The following CFAP95 variants were observed in gnomAD, a reference collection of about 807,000 sequenced individuals.
CFAP95 encodes cilia- and flagella-associated protein 95.
chr9:69,879,393 A>G, the CFAP95 span, among the ~76,000 whole-genome samples: 16 of 152,176 alleles, frequency 1.1e-4, no homozygotes, highest in African/African-American at 3.6e-4. Context: ...GGAAGCTGGG[A>G]AGAGAAAGTC....
At chr9:69,846,139 A>G in the CFAP95 span, among the ~76,000 whole-genome samples, 1 of 152,202 alleles carries the variant, frequency 6.6e-6, no homozygotes, top group African/African-American at 2.4e-5. Context: ...GATGTTTTTA[A>G]AGAACTTTTG....
the CFAP95 span, among the ~76,000 whole-genome samples, chr9:69,881,530 T>C: frequency 1.3e-5 from 2 of 152,324 alleles, no homozygotes; most frequent in Non-Finnish European, 2.9e-5. Flanking sequence ...TGTGTGTCTG[T>C]TTTTATGCTA....
the CFAP95 span, among the ~76,000 whole-genome samples, chr9:69,850,164 G>A: frequency 4.6e-5 from 7 of 152,282 alleles, no homozygotes; most frequent in East Asian, 1.4e-3. Flanking sequence ...CACCTAGAAG[G>A]ATTAAGTACA....
the CFAP95 span, among the ~76,000 whole-genome samples, chr9:69,823,476 C>T: frequency 3.9e-5 from 6 of 152,256 alleles, no homozygotes; most frequent in South Asian, 1.0e-3. Context: ...CTGTGTGTTG[C>T]GGCAAGTGAC....
At chr9:69,824,722 A>C in the CFAP95 span, among the ~76,000 whole-genome samples, 1 of 152,204 alleles carries the variant, frequency 6.6e-6, no homozygotes, top group South Asian at 2.1e-4. Flanking sequence ...CAGTGATTTC[A>C]ATGTTAATGA....
chr9:69,905,978 T>C, the CFAP95 span: 1 of 1,609,616 alleles, frequency 6.2e-7, no homozygotes, highest in South Asian at 1.1e-5. Context: ...AGATGATTAT[T>C]CCATAGTCCA....
At chr9:69,888,175 T>C in the CFAP95 span, among the ~76,000 whole-genome samples, 2 of 152,186 alleles carry the variant, frequency 1.3e-5, no homozygotes, top group Non-Finnish European at 2.9e-5. Flanking sequence ...ATTCCAGGAA[T>C]TATTTGAAAG....
At chr9:69,843,026 C>A in the CFAP95 span, among the ~76,000 whole-genome samples, 1 of 152,278 alleles carries the variant, frequency 6.6e-6, no homozygotes, top group Non-Finnish European at 1.5e-5. Context: ...GGTGCCCAAC[C>A]TAGGTTAAGG....
chr9:69,840,851 G>C, the CFAP95 span, among the ~76,000 whole-genome samples: 1 of 151,994 alleles, frequency 6.6e-6, no homozygotes, highest in Admixed American at 6.6e-5. Flanking sequence ...ATGGGCAGCC[G>C]GCAGGCACGA....
chr9:69,868,433 G>T, the CFAP95 span, among the ~76,000 whole-genome samples: 1 of 152,140 alleles, frequency 6.6e-6, no homozygotes, highest in South Asian at 2.1e-4. Flanking sequence ...CAAGGGCAGT[G>T]AATCACTTGA....
At chr9:69,892,322 C>T in the CFAP95 span, among the ~76,000 whole-genome samples, 17 of 152,274 alleles carry the variant, frequency 1.1e-4, no homozygotes, top group Non-Finnish European at 2.2e-4. Flanking sequence ...CAGATCAGTA[C>T]CTGGCTGACT....
At chr9:69,857,147 T>C in the CFAP95 span, among the ~76,000 whole-genome samples, 1 of 152,352 alleles carries the variant, frequency 6.6e-6, no homozygotes, top group South Asian at 2.1e-4. Flanking sequence ...TTAGGTAAGC[T>C]GTCATTAATC....
the CFAP95 span, among the ~76,000 whole-genome samples, chr9:69,833,616 A>G: frequency 6.6e-6 from 1 of 152,328 alleles, no homozygotes; most frequent in South Asian, 2.1e-4. Context: ...ACCTCTGTGC[A>G]ATCTTGTCGA....
the CFAP95 span, chr9:69,857,820 G>C: frequency 8.6e-7 from 1 of 1,161,562 alleles, no homozygotes; most frequent in Non-Finnish European, 1.2e-6. Flanking sequence ...GAGCCACTGC[G>C]CCCAGCCCCT....
the CFAP95 span, among the ~76,000 whole-genome samples, chr9:69,860,478 A>T: frequency 2.6e-5 from 4 of 152,092 alleles, no homozygotes; most frequent in Non-Finnish European, 4.4e-5. Flanking sequence ...CACCTCCAAC[A>T]TTGGGGATCA....
chr9:69,904,175 A>G, the CFAP95 span, among the ~76,000 whole-genome samples: 1 of 152,162 alleles, frequency 6.6e-6, no homozygotes, highest in African/African-American at 2.4e-5. Flanking sequence ...TTGTCACCCC[A>G]GGAAACTCAG....
At chr9:69,854,995 G>A in the CFAP95 span, among the ~76,000 whole-genome samples, 1 of 152,122 alleles carries the variant, frequency 6.6e-6, no homozygotes, top group Non-Finnish European at 1.5e-5. Context: ...CAATAGTGTT[G>A]ATTTTCTTAA....
At chr9:69,884,469 T>A in the CFAP95 span, 5 of 152,276 alleles carry the variant, frequency 3.3e-5, no homozygotes, top group African/African-American at 1.2e-4. Context: ...CCTGGGCTGG[T>A]TCACCCCTCC....
chr9:69,850,762 CTCT>C, the CFAP95 span, among the ~76,000 whole-genome samples: 1 of 152,116 alleles, frequency 6.6e-6, no homozygotes, highest in Non-Finnish European at 1.5e-5. Flanking sequence ...GAGCTAGGGT[CTCT>C]TCTTGCTTCC....
Sources: gnomAD v4.1 joint callset for allele counts (sites outside exome capture counted in the v4.1 genomes callset) on GRCh38, gnomAD v4.1.1 for gene constraint, MANE v1.5 for transcripts, NCBI Gene and HGNC (gene_info 2026-07-23, HGNC 2026-07-21) for gene names.